RAD23B: variants seen among roughly 807,000 people sequenced by gnomAD.
RAD23B encodes RAD23 nucleotide excision repair protein B.
In RAD23B, 5 loss-of-function variants were observed where a neutral mutation model predicts 49.1. The ratio of observed to expected loss-of-function variants is 0.10; its 90% CI spans 0.05 to 0.21. The LOEUF (loss-of-function observed/expected upper bound fraction) is 0.21. Ranked by LOEUF, RAD23B falls within the 10% of genes least tolerant of loss-of-function variation. RAD23B has a pLI of 1.00. For missense variants in RAD23B, 356 were observed against 486.7 expected (o/e 0.73, Z 2.53); for synonymous variants, 184 against 165.4 (o/e 1.11, Z -0.86).
In RAD23B at chr9:107,318,080, C is replaced by T. The variant is rs1426088027; in HGVS notation, c.554-672C>T. Reference sequence around the variant, plus strand: ...TGCTAATTCTCCCTTACCTTCATACCTCATTTTTCTATTGTACTCTGAAAC... The same window carrying T: ...TGCTAATTCTCCCTTACCTTCATACTTCATTTTTCTATTGTACTCTGAAAC... On this transcript the variant is annotated intron_variant, in intron 5 of 9. Transcript: ENST00000358015. The surrounding 1 kb of genome is among the most constrained non-coding windows in gnomAD (Gnocchi z 4.3). Among the ~76,000 whole-genome samples, 1 of 152,106 alleles carries T rather than the reference C, an allele frequency of 6.6e-6. No homozygotes were observed. The highest frequency in any genetic ancestry group is 1.5e-5 in the Non-Finnish European group (1 of 68,032).
chr9:107,322,656 G>T (rs11573707), intron 7 of RAD23B, among the ~76,000 whole-genome samples: 7 of 152,254 alleles, frequency 4.6e-5, no homozygotes, highest in Admixed American at 1.3e-4. Flanking sequence ...TGGAACCTGC[G>T]GTCAGCTTAG....
intron 6 of RAD23B, among the ~76,000 whole-genome samples, chr9:107,321,508 T>A (rs1243435332): frequency 6.6e-6 from 1 of 152,220 alleles, no homozygotes; most frequent in Non-Finnish European, 1.5e-5. Context: ...TTTTGGATTA[T>A]CTTAAGCTAG....
At chr9:107,325,370 A>G (rs2133098720) in intron 9 of RAD23B, among the ~76,000 whole-genome samples, 1 of 151,616 alleles carries the variant, frequency 6.6e-6, no homozygotes, top group Middle Eastern at 3.4e-3. Context: ...CCCATTTCAA[A>G]TGCTCAGAAG....
At chr9:107,328,257 A>G (rs916802355) in intron 9 of RAD23B, among the ~76,000 whole-genome samples, 1 of 152,192 alleles carries the variant, frequency 6.6e-6, no homozygotes, top group East Asian at 1.9e-4. Flanking sequence ...GTTATTTCCA[A>G]ATATAATCTG....
chr9:107,304,538 T>TA (rs1459375522), intron 3 of RAD23B, among the ~76,000 whole-genome samples: 1 of 152,228 alleles, frequency 6.6e-6, no homozygotes, highest in Non-Finnish European at 1.5e-5. Context: ...TAGTATTTTT[T>TA]AAAAACCTAT....
At chr9:107,290,363 T>C (rs542459921) in intron 1 of RAD23B, among the ~76,000 whole-genome samples, 1 of 152,286 alleles carries the variant, frequency 6.6e-6, no homozygotes, top group East Asian at 1.9e-4. Context: ...ATTTCTAGGG[T>C]ATACAAACAT....
At position 107,327,187 on chromosome 9, in the gene RAD23B, T is replaced by G. The variant is rs73517769; in HGVS notation, c.1116+2183T>G. On this transcript the variant is annotated intron_variant, in intron 9 of 9. Coordinates refer to ENST00000358015, the MANE Select transcript of RAD23B (RefSeq NM_002874.5). ...TTAATTTTGTTCATTTTGTGGTGGT[T>G]GTTGTTAATGACAAAAATAACTTTG... 5.7e-3 allele frequency among the ~76,000 whole-genome samples: 872 copies of G among 152,306 alleles called. 9 individuals are homozygous for G. Among genetic ancestry groups the G allele is most frequent in the African/African-American group, 0.019 (774 of 41,576 alleles).
At chr9:107,296,857 CTTTT>C (rs10718657) in intron 1 of RAD23B, among the ~76,000 whole-genome samples, 4 of 126,322 alleles carry the variant, frequency 3.2e-5, no homozygotes, top group Non-Finnish European at 5.0e-5. Context: ...TTTTTAATTG[CTTTT>C]TTTTTTTTTT....
At chr9:107,303,881 A>T (rs995111002) in intron 3 of RAD23B, among the ~76,000 whole-genome samples, 28 of 152,324 alleles carry the variant, frequency 1.8e-4, no homozygotes, top group African/African-American at 6.5e-4. Flanking sequence ...ACAAGAATTA[A>T]GCAGAAAAAG....
intron 1 of RAD23B, among the ~76,000 whole-genome samples, chr9:107,292,839 C>G (rs1833410489): frequency 6.6e-6 from 1 of 152,100 alleles, no homozygotes; most frequent in African/African-American, 2.4e-5. Flanking sequence ...GCCTTAGTGT[C>G]CCCATTAGAA....
At chr9:107,325,620 T>C (rs1351126915) in intron 9 of RAD23B, among the ~76,000 whole-genome samples, 2 of 152,234 alleles carry the variant, frequency 1.3e-5, no homozygotes, top group African/African-American at 2.4e-5. Flanking sequence ...TGAACTGTTA[T>C]TTATTCATTA....
intron 1 of RAD23B, among the ~76,000 whole-genome samples, chr9:107,294,969 C>A (rs1044715465): frequency 1.3e-5 from 2 of 151,894 alleles, no homozygotes; most frequent in African/African-American, 4.8e-5. Context: ...CAGGTCAGTA[C>A]TGTCACACGT....
At chr9:107,306,045 T>TTTTATA (rs59336314) in intron 3 of RAD23B, among the ~76,000 whole-genome samples, 86 of 26,784 alleles carry the variant, frequency 3.2e-3, no homozygotes, top group African/African-American at 9.7e-3. Context: ...ATGATACGGT[T>TTTTATA]TATATCTATA....
chr9:107,283,534 G>A lies in RAD23B; in HGVS notation c.-96G>A. ...CACCGCCTTCCTCCCCAGAGCGCGA[G>A]GAGCGCGGGCGACCCCGGGGCCCCG... On this transcript the variant is annotated 5_prime_UTR_variant, in exon 1 of 10. Coordinates refer to ENST00000358015, the MANE Select transcript of RAD23B (RefSeq NM_002874.5). 1 of 906,952 alleles carries A rather than the reference G, an allele frequency of 1.1e-6. No homozygotes were observed. The allele number at this position is 906,952 out of a possible 1,614,324, so 56.2% of individuals were successfully genotyped here. A position where few individuals can be genotyped will look rare whatever the true frequency, so the allele number is the denominator to read the frequency against.
At chr9:107,284,229 A>G (rs1420720633) in intron 1 of RAD23B, 3 of 985,116 alleles carry the variant, frequency 3.0e-6, no homozygotes, top group African/African-American at 3.5e-5. Context: ...TCCCCTCAGA[A>G]TTGTTTACCC....
chr9:107,323,544 C>G (rs1270343432), intron 7 of RAD23B, among the ~76,000 whole-genome samples: 1 of 152,076 alleles, frequency 6.6e-6, no homozygotes, highest in Non-Finnish European at 1.5e-5. Flanking sequence ...TTTTAAGCAA[C>G]AGGAACAACT....
intron 3 of RAD23B, among the ~76,000 whole-genome samples, chr9:107,305,056 A>C (rs1826733253): frequency 6.6e-6 from 1 of 152,122 alleles, no homozygotes; most frequent in Non-Finnish European, 1.5e-5. Flanking sequence ...TGGGAGGCCA[A>C]GGTGGGCGGA....
rs1827174392 is a variant in RAD23B at position 107,324,906 on chromosome 9, G to A, written c.1018G>A (p.Gly340Arg). 6.2e-7 allele frequency: 1 copy of A among 1,613,530 alleles called. No individual in the cohort carries two copies. The highest frequency in any genetic ancestry group is 1.7e-5 in the Admixed American group (1 of 59,990). Residue 340 changes from glycine (G) to arginine (R), a missense_variant, in exon 9 of 10, where the codon GGA (glycine) becomes AGA (arginine). Around this residue, in one of 5 missense-constraint regions of RAD23B, gnomAD observed 148 missense variants for 231.7 expected, o/e 0.64. Coordinates refer to ENST00000358015, the MANE Select transcript of RAD23B (RefSeq NM_002874.5). ...AGTTCAAGAAGCTGGTGGTCAAGGA[G>A]GAGGAGGTGGAGGTGGCAGTGGAGG... ...EPVQEAGGQG[G>R]GGGGGSGGIA...
chr9:107,289,884 T>C (rs527881077), intron 1 of RAD23B, among the ~76,000 whole-genome samples: 1 of 152,332 alleles, frequency 6.6e-6, no homozygotes, highest in East Asian at 1.9e-4. Flanking sequence ...AACTCAGTGT[T>C]TGTACTTGCA....
Sources: gnomAD v4.1 joint callset for allele counts (sites outside exome capture counted in the v4.1 genomes callset) on GRCh38, gnomAD v4.1.1 for gene constraint, gnomAD v4.1.1 regional missense constraint, Gnocchi (gnomAD v3.1) non-coding constraint, MANE v1.5 for transcripts, NCBI Gene and HGNC (gene_info 2026-07-23, HGNC 2026-07-21) for gene names.